Variants in SPIDR observed in about 807,000 individuals in gnomAD.
SPIDR encodes the protein scaffold protein involved in DNA repair.
Under a neutral mutation model 104.6 loss-of-function variants are expected in SPIDR, and 93 were observed. The ratio of observed to expected loss-of-function variants is 0.89; its 90% CI spans 0.75 to 1.06. The LOEUF is 1.06. SPIDR is among the 50% of genes least tolerant of loss of function. The pLI is 0.00. For missense variants in SPIDR, 1,154 were observed against 1,111.2 expected (o/e 1.04, Z -0.55); for synonymous variants, 431 against 416.9 (o/e 1.03, Z -0.41).
rs1359600004 is a variant in SPIDR, at chr8:47,279,502, T to C, written c.34-360T>C. The C allele has an allele frequency of 2.2e-5, 4 of 184,718 alleles. No homozygotes were observed. The East Asian group carries it at 5.4e-4, about 25-fold the overall frequency. 11.4% of individuals were successfully genotyped at this position (184,718 alleles called of 1,614,324 possible). On this transcript the variant is annotated intron_variant, in intron 1 of 19. Transcript: ENST00000297423. ...AGTTCTATCAGACACTGTTCTCAGA[T>C]CTGTTGCTTGCTTTGCTTCCTAGTG...
At chr8:47,647,481 G>A (rs1022055618) in intron 10 of SPIDR, among the ~76,000 whole-genome samples, 2 of 152,112 alleles carry the variant, frequency 1.3e-5, no homozygotes, top group Non-Finnish European at 2.9e-5. Context: ...CAGGCGTGTT[G>A]GTGCACGCCT....
intron 9 of SPIDR, 49 bp downstream of exon 9, chr8:47,596,055 A>G: frequency 6.5e-7 from 1 of 1,531,118 alleles, no homozygotes; most frequent in South Asian, 1.2e-5. Context: ...AATGTTAGTG[A>G]CTGGATTTGG....
At chr8:47,391,130 C>T (rs1195483966) in intron 5 of SPIDR, among the ~76,000 whole-genome samples, 4 of 152,266 alleles carry the variant, frequency 2.6e-5, no homozygotes, top group East Asian at 1.9e-4. Context: ...AGAGTTCCTC[C>T]GTGTTCATCT....
At chr8:47,270,729 C>A (rs2035134017) in intron 1 of SPIDR, among the ~76,000 whole-genome samples, 1 of 152,140 alleles carries the variant, frequency 6.6e-6, no homozygotes, top group Non-Finnish European at 1.5e-5. Flanking sequence ...GTAAGTACTG[C>A]TTTAGCTGCA....
intron 16 of SPIDR, among the ~76,000 whole-genome samples, chr8:47,718,984 G>A (rs1415458554): frequency 6.6e-6 from 1 of 152,138 alleles, no homozygotes; most frequent in Admixed American, 6.6e-5. Context: ...GGTCTTCCCT[G>A]TGAGAGAGCT....
intron 1 of SPIDR, among the ~76,000 whole-genome samples, chr8:47,266,277 C>T (rs1250543112): frequency 6.6e-6 from 1 of 152,008 alleles, no homozygotes; most frequent in African/African-American, 2.4e-5. Context: ...ACTACAGGCA[C>T]CTGCTGCCAT....
At chr8:47,324,196 AT>A (rs1257256818) in intron 5 of SPIDR, among the ~76,000 whole-genome samples, 10 of 152,184 alleles carry the variant, frequency 6.6e-5, no homozygotes, top group Non-Finnish European at 1.3e-4. Context: ...ACTTATATGT[AT>A]TGAGTATCTT....
At chr8:47,335,298 T>G (rs2049480966) in intron 5 of SPIDR, among the ~76,000 whole-genome samples, 1 of 152,198 alleles carries the variant, frequency 6.6e-6, no homozygotes, top group African/African-American at 2.4e-5. Context: ...GCAAGGCAGT[T>G]TTTTTGGCAA....
At chr8:47,714,083 C>CA (rs1163339886) in intron 16 of SPIDR, among the ~76,000 whole-genome samples, 4 of 152,102 alleles carry the variant, frequency 2.6e-5, no homozygotes, top group Non-Finnish European at 5.9e-5. Flanking sequence ...GCAGGACAGG[C>CA]AGCCAGATGG....
chr8:47,334,678 A>G (rs1163976943), intron 5 of SPIDR, among the ~76,000 whole-genome samples: 5 of 152,200 alleles, frequency 3.3e-5, no homozygotes, highest in African/African-American at 1.2e-4. Context: ...TCTTGTAGAC[A>G]ACATGCAGTT....
At chr8:47,446,326 A>G (rs868943531) in intron 8 of SPIDR, among the ~76,000 whole-genome samples, 1 of 152,224 alleles carries the variant, frequency 6.6e-6, no homozygotes, top group Non-Finnish European at 1.5e-5. Flanking sequence ...AACCTGGATA[A>G]CAGCACATCT....
At chr8:47,663,196 C>T (rs76449456) in intron 10 of SPIDR, among the ~76,000 whole-genome samples, 3,319 of 152,300 alleles carry the variant, frequency 0.022, 95 homozygotes, top group East Asian at 0.082. Flanking sequence ...TCTTTAGGCT[C>T]GGCCTAAAGG....
chr8:47,422,967 A>G (rs1161587796), intron 7 of SPIDR, among the ~76,000 whole-genome samples: 1 of 152,114 alleles, frequency 6.6e-6, no homozygotes, highest in Non-Finnish European at 1.5e-5. Context: ...ATATATCTCA[A>G]GATTCTTTGT....
At chr8:47,309,012 A>G (rs142377276) in intron 5 of SPIDR, among the ~76,000 whole-genome samples, 144 of 152,354 alleles carry the variant, frequency 9.5e-4, no homozygotes, top group African/African-American at 3.3e-3. Context: ...TGCCAGTGCA[A>G]TGATCTTCTA....
intron 5 of SPIDR, among the ~76,000 whole-genome samples, chr8:47,372,800 G>A (rs2058195321): frequency 6.6e-6 from 1 of 152,074 alleles, no homozygotes; most frequent in Admixed American, 6.5e-5. Flanking sequence ...TGGTGATTGG[G>A]CTTCTAGTGT....
At chr8:47,285,062 G>A (rs1254326206) in intron 3 of SPIDR, among the ~76,000 whole-genome samples, 1 of 152,206 alleles carries the variant, frequency 6.6e-6, no homozygotes, top group Non-Finnish European at 1.5e-5. Flanking sequence ...TGGAGAATGG[G>A]CATAATCATT....
intron 10 of SPIDR, among the ~76,000 whole-genome samples, chr8:47,649,334 A>G (rs1485985576): frequency 6.6e-6 from 1 of 152,194 alleles, no homozygotes; most frequent in African/African-American, 2.4e-5. Flanking sequence ...GATCAACTGA[A>G]TCTCACAATG....
chr8:47,564,072 C>CTTTTTTT (rs869220760), intron 8 of SPIDR, among the ~76,000 whole-genome samples: 49 of 76,834 alleles, frequency 6.4e-4, no homozygotes, highest in East Asian at 1.2e-3. Context: ...TTTTTCTTTT[C>CTTTTTTT]TTTTTTTTTT....
chr8:47,294,234 A>T, intron 5 of SPIDR: 1 of 546,986 alleles, frequency 1.8e-6, no homozygotes, highest in Non-Finnish European at 2.9e-6. Flanking sequence ...TATTGATCTC[A>T]CTTCTCTTTC....
Sources: allele counts gnomAD v4.1 joint callset (sites outside exome capture counted in the v4.1 genomes callset), GRCh38; gene constraint gnomAD v4.1.1; transcripts MANE v1.5; gene names NCBI Gene and HGNC (gene_info 2026-07-23, HGNC 2026-07-21).